PDE4D: variants seen among roughly 807,000 people sequenced by gnomAD.
PDE4D encodes the protein phosphodiesterase 4D, also known as 3',5'-cyclic-AMP phosphodiesterase 4D.
PDE4D carries 24 observed loss-of-function variants against 87.4 expected under a neutral mutation model. The observed-to-expected ratio is 0.27, with a 90% CI of 0.20 to 0.39. PDE4D has a LOEUF of 0.39. Ranked by LOEUF, PDE4D falls within the 10% of genes least tolerant of loss-of-function variation. PDE4D has a pLI of 1.00. For synonymous variants in PDE4D, 384 were observed against 383.2 expected (o/e 1.00, Z -0.02); for missense variants, 714 against 1,041.0 (o/e 0.69, Z 4.32).
intron 3 of PDE4D, among the ~76,000 whole-genome samples, chr5:59,969,674 G>GAA (rs1760479994): frequency 2.0e-5 from 3 of 152,142 alleles, no homozygotes; most frequent in Admixed American, 2.0e-4. Context: ...CATGGGGACA[G>GAA]TTACCTCCAT....
rs550109999 is a variant in PDE4D, at chr5:59,737,786, A to G, written c.455+155382T>C. ...ATTTTTACCATTTTCATGAGTATAAATGAATGTGTATATATGTGCATATAT... is the reference window on the plus strand; with the variant it reads ...ATTTTTACCATTTTCATGAGTATAAGTGAATGTGTATATATGTGCATATAT... On this transcript the variant is annotated intron_variant, in intron 1 of 14. Coordinates refer to ENST00000340635, the MANE Select transcript of PDE4D (RefSeq NM_001104631.2). 5.9e-5 allele frequency among the ~76,000 whole-genome samples: 9 copies of G among 152,234 alleles called. No individual in the cohort carries two copies. In the East Asian group the frequency reaches 1.7e-3, roughly 29 times the overall value.
At chr5:59,166,396 C>G (rs1226903958) in intron 5 of PDE4D, 1 of 152,158 alleles carries the variant, frequency 6.6e-6, no homozygotes, top group Non-Finnish European at 1.5e-5. Context: ...TTCCAGTACC[C>G]TCAACAGTTT....
chr5:60,137,220 T>G (rs1780133257), intron 2 of PDE4D, among the ~76,000 whole-genome samples: 1 of 152,190 alleles, frequency 6.6e-6, no homozygotes, highest in Non-Finnish European at 1.5e-5. Flanking sequence ...TGATAGGCAT[T>G]TAGATGTCTT....
At chr5:60,437,071 C>T (rs542356018) in intron 1 of PDE4D, among the ~76,000 whole-genome samples, 1 of 151,914 alleles carries the variant, frequency 6.6e-6, no homozygotes, top group East Asian at 1.9e-4. Context: ...TTTTCTCCCC[C>T]ACACAATCAC....
At position 59,771,474 on chromosome 5, in the gene PDE4D, A is replaced by AAAGAGAGAGAGAG. The variant is rs1763486301; in HGVS notation, c.455+121693_455+121694insCTCTCTCTCTCTT. Among the ~76,000 whole-genome samples the AAAGAGAGAGAGAG allele has an allele frequency of 1.1e-4, 11 of 97,876 alleles. 1 individual carries two copies. Among genetic ancestry groups the AAAGAGAGAGAGAG allele is most frequent in the African/African-American group, 4.5e-4 (11 of 24,636 alleles). 64.2% of individuals were successfully genotyped at this position (97,876 alleles called of 152,430 possible). On this transcript the variant is annotated intron_variant, in intron 1 of 14. Coordinates refer to ENST00000340635, the MANE Select transcript of PDE4D (RefSeq NM_001104631.2). ...GAAAGAAAGAAAGAAAGAAAGAAAG[A>AAAGAGAGAGAGAG]AAGAAAGAAAGAGAGAGAGAGAGAG...
At chr5:59,879,876 G>A (rs1236925900) in intron 1 of PDE4D, among the ~76,000 whole-genome samples, 2 of 152,142 alleles carry the variant, frequency 1.3e-5, no homozygotes, top group African/African-American at 4.8e-5. Flanking sequence ...GAGTAGCTGG[G>A]ATTACAGGTG....
chr5:60,337,366 T>TATATAC (rs1275543182), intron 1 of PDE4D, among the ~76,000 whole-genome samples: 1 of 111,542 alleles, frequency 9.0e-6, no homozygotes, highest in Non-Finnish European at 1.8e-5. Flanking sequence ...TATATATATA[T>TATATAC]ATATATATAT....
chr5:59,261,980 C>T (rs1762086334), intron 1 of PDE4D, among the ~76,000 whole-genome samples: 1 of 151,802 alleles, frequency 6.6e-6, no homozygotes, highest in Non-Finnish European at 1.5e-5. Flanking sequence ...TACTCCACCC[C>T]AAATTCAAGT....
intron 1 of PDE4D, among the ~76,000 whole-genome samples, chr5:59,748,334 A>G (rs1236157899): frequency 1.3e-5 from 2 of 152,186 alleles, no homozygotes; most frequent in Non-Finnish European, 2.9e-5. Context: ...TCATGCTGCT[A>G]TAAAGACACA....
intron 1 of PDE4D, among the ~76,000 whole-genome samples, chr5:59,806,215 A>G (rs1025521643): frequency 3.3e-5 from 5 of 152,174 alleles, no homozygotes; most frequent in Non-Finnish European, 2.9e-5. Flanking sequence ...CTCCAAAGCC[A>G]TATCTGGATT....
At position 59,244,559 on chromosome 5, in the gene PDE4D, C is replaced by T. The variant is rs375811769; in HGVS notation, c.456-28591G>A. ...CTCTATATACACACATATATGTATA[C>T]GTGTACACACATATGTATACACATA... On this transcript the variant is annotated intron_variant, in intron 1 of 14. Coordinates refer to ENST00000340635, the MANE Select transcript of PDE4D (RefSeq NM_001104631.2). 1.9e-4 allele frequency among the ~76,000 whole-genome samples: 28 copies of T among 148,740 alleles called. No homozygotes were observed. In the East Asian group the frequency reaches 3.0e-3, roughly 16 times the overall value.
intron 3 of PDE4D, among the ~76,000 whole-genome samples, chr5:59,951,678 G>A (rs1041203931): frequency 2.0e-5 from 3 of 152,154 alleles, no homozygotes; most frequent in Non-Finnish European, 4.4e-5. Context: ...TCTGAAAGCA[G>A]ATGTAACAGA....
At chr5:60,035,116 C>T (rs927114977) in intron 2 of PDE4D, among the ~76,000 whole-genome samples, 3 of 151,998 alleles carry the variant, frequency 2.0e-5, no homozygotes, top group Non-Finnish European at 4.4e-5. Context: ...ATTAGCCGGG[C>T]ATGGTGACGT....
chr5:58,971,327 AAAAATGTACAG>A lies in PDE4D; in HGVS notation c.*3326_*3336del, dbSNP rs1742563606. On this transcript the variant is annotated 3_prime_UTR_variant, in exon 15 of 15. Transcript: ENST00000340635. ...ACAAGACTATATTACAGGAGAAAAG[AAAAATGTACAG>A]AGTATGTATACACACCATTCATTCT... 1 of 152,654 alleles carries A rather than the reference AAAAATGTACAG, an allele frequency of 6.6e-6. No homozygotes were observed. The highest frequency in any genetic ancestry group is 2.1e-4 in the South Asian group (1 of 4,834). 9.5% of individuals were successfully genotyped at this position (152,654 alleles called of 1,614,324 possible).
upstream of PDE4D, among the ~76,000 whole-genome samples, chr5:59,895,014 G>C (rs552322710): frequency 6.6e-6 from 1 of 152,114 alleles, no homozygotes; most frequent in African/African-American, 2.4e-5. Context: ...TTATTTGAAC[G>C]ATAATATATT....
chr5:60,255,791 G>A (rs904325888), intron 1 of PDE4D, among the ~76,000 whole-genome samples: 4 of 151,256 alleles, frequency 2.6e-5, no homozygotes, highest in Non-Finnish European at 5.9e-5. Flanking sequence ...GAAACATAGT[G>A]AGACTCTATC....
At chr5:59,891,718 G>T (rs879275429) in intron 1 of PDE4D, among the ~76,000 whole-genome samples, 1 of 152,052 alleles carries the variant, frequency 6.6e-6, no homozygotes, top group Non-Finnish European at 1.5e-5. Context: ...GAAATGATGT[G>T]TACACATCAG....
intron 1 of PDE4D, among the ~76,000 whole-genome samples, chr5:59,406,434 A>C (rs994064578): frequency 8.6e-6 from 1 of 116,782 alleles, no homozygotes; most frequent in African/African-American, 3.1e-5. Context: ...TCTGTCATCC[A>C]GGCTGGAGTG....
At chr5:59,909,633 C>T (rs1041185489) in intron 3 of PDE4D, among the ~76,000 whole-genome samples, 7 of 152,166 alleles carry the variant, frequency 4.6e-5, no homozygotes, top group Non-Finnish European at 8.8e-5. Flanking sequence ...AATCCACCCA[C>T]CTCGGCCTCC....
Sources: gnomAD v4.1 joint callset for allele counts (sites outside exome capture counted in the v4.1 genomes callset) on GRCh38, gnomAD v4.1.1 for gene constraint, MANE v1.5 for transcripts, NCBI Gene and HGNC (gene_info 2026-07-23, HGNC 2026-07-21) for gene names.